Variants in CNTNAP2 observed in about 807,000 individuals in gnomAD.
CNTNAP2 encodes the protein contactin-associated protein-like 2.
Under a neutral mutation model 155.2 loss-of-function variants are expected in CNTNAP2, and 98 were observed. The ratio of observed to expected loss-of-function variants is 0.63; its 90% CI spans 0.54 to 0.75. The LOEUF (loss-of-function observed/expected upper bound fraction) is 0.75, where lower values mean the gene tolerates loss of function less well. CNTNAP2 is among the 30% of genes least tolerant of loss of function. The probability of loss-of-function intolerance (pLI) is 0.00; values close to 1 mark genes in which losing one functional copy is unlikely to be tolerated. For synonymous variants in CNTNAP2, 651 were observed against 631.2 expected, an observed-to-expected ratio of 1.03 and a Z score of -0.47; for missense variants, 1,727 against 1,688.1, an observed-to-expected ratio of 1.02 and a Z score of -0.40.
At chr7:147,359,816 C>T (rs1195574238) in intron 9 of CNTNAP2, among the ~76,000 whole-genome samples, 1 of 152,042 alleles carries the variant, frequency 6.6e-6, no homozygotes, top group Non-Finnish European at 1.5e-5. Flanking sequence ...AGCCTGCCAC[C>T]CACCTCTCTA....
chr7:147,992,000 ATAGTTCTGT>A (rs1801717907), intron 15 of CNTNAP2, among the ~76,000 whole-genome samples: 1 of 150,406 alleles, frequency 6.6e-6, no homozygotes, highest in African/African-American at 2.4e-5. Context: ...AAGTTTGCTG[ATAGTTCTGT>A]TATAGCAGTC....
chr7:148,364,574 A>G (rs566744674), intron 21 of CNTNAP2, among the ~76,000 whole-genome samples: 15 of 152,292 alleles, frequency 9.8e-5, no homozygotes, highest in Admixed American at 7.8e-4. Flanking sequence ...GAATGCACCA[A>G]TCGACACTCT....
chr7:148,028,129 T>C (rs1802406120), intron 15 of CNTNAP2, among the ~76,000 whole-genome samples: 1 of 152,184 alleles, frequency 6.6e-6, no homozygotes. Context: ...TTTACACCTT[T>C]AAAAATGTAA....
chr7:147,941,883 A>G (rs1800728855), intron 14 of CNTNAP2, among the ~76,000 whole-genome samples: 1 of 152,220 alleles, frequency 6.6e-6, no homozygotes, highest in Non-Finnish European at 1.5e-5. Context: ...ATTATTGCAC[A>G]TATTTACAGT....
chr7:147,844,626 A>T (rs1455227343), intron 13 of CNTNAP2, among the ~76,000 whole-genome samples: 17 of 37,372 alleles, frequency 4.5e-4, no homozygotes, highest in African/African-American at 1.9e-3. Context: ...AACTTCCAAC[A>T]CTATGTTGAA....
intron 13 of CNTNAP2, among the ~76,000 whole-genome samples, chr7:147,659,984 C>G (rs541035255): frequency 7.9e-5 from 12 of 152,262 alleles, no homozygotes; most frequent in African/African-American, 2.9e-4. Flanking sequence ...AAAAGCCCAC[C>G]TGGATGTCCT....
intron 1 of CNTNAP2, among the ~76,000 whole-genome samples, chr7:146,619,795 A>T (rs347224): frequency 0.037 from 5,699 of 152,174 alleles, 366 homozygotes; most frequent in African/African-American, 0.13. Flanking sequence ...TTTATTCTAG[A>T]TTTGTTCAGT....
intron 21 of CNTNAP2, among the ~76,000 whole-genome samples, chr7:148,289,844 A>G (rs1041573583): frequency 3.3e-5 from 5 of 152,246 alleles, no homozygotes; most frequent in Non-Finnish European, 4.4e-5. Context: ...CCCTCTGCAC[A>G]CACATGATGT....
chr7:147,749,228 T>C lies in CNTNAP2; in HGVS notation c.2098+109922T>C, dbSNP rs373791114. The stretch of plus-strand genomic sequence containing the variant: ...ATGAATCAGAATTATTCAGTATCTA[T>C]ACTGTATTTTTGTTTAAAATATTGA... On this transcript the variant is annotated intron_variant, in intron 13 of 23. Transcript: ENST00000361727. Among the ~76,000 whole-genome samples, 13 of 152,342 alleles carry C rather than the reference T, an allele frequency of 8.5e-5. No homozygotes were observed. The South Asian group carries it at 2.5e-3, about 29-fold the overall frequency.
intron 11 of CNTNAP2, among the ~76,000 whole-genome samples, chr7:147,493,208 G>C (rs553383578): frequency 6.6e-6 from 1 of 152,130 alleles, no homozygotes; most frequent in Non-Finnish European, 1.5e-5. Flanking sequence ...TTCAATAAAT[G>C]CTCTTTGAAA....
intron 3 of CNTNAP2, among the ~76,000 whole-genome samples, chr7:146,997,974 T>C (rs1563037710): frequency 6.6e-6 from 1 of 152,194 alleles, no homozygotes; most frequent in African/African-American, 2.4e-5. Flanking sequence ...ACTTCATTTA[T>C]CAATTCAAAA....
In CNTNAP2 at chr7:146,854,039, C is replaced by T. The variant is rs78624037; in HGVS notation, c.402+14135C>T. On this transcript the variant is annotated intron_variant, in intron 3 of 23. Coordinates refer to ENST00000361727, the MANE Select transcript of CNTNAP2 (RefSeq NM_014141.6). ...AGGATTTCTATAGGAGAGAAAACAA[C>T]AGAGTTTGCAGCAACAGGGAGATGA... is the stretch of plus-strand genomic sequence containing the variant. Among the ~76,000 whole-genome samples, 1,257 of 152,208 alleles carry T rather than the reference C, an allele frequency of 8.3e-3. 12 individuals are homozygous for T. The highest frequency in any genetic ancestry group is 0.029 in the African/African-American group (1,197 of 41,548).
intron 13 of CNTNAP2, among the ~76,000 whole-genome samples, chr7:147,820,353 AT>A (rs1190436378): frequency 6.6e-6 from 1 of 151,544 alleles, no homozygotes; most frequent in African/African-American, 2.4e-5. Flanking sequence ...TAATGTGTCT[AT>A]TTTTTCGTTG....
At chr7:147,669,388 T>C (rs967652440) in intron 13 of CNTNAP2, among the ~76,000 whole-genome samples, 21 of 152,232 alleles carry the variant, frequency 1.4e-4, no homozygotes, top group African/African-American at 4.1e-4. Flanking sequence ...CCTTGTAACA[T>C]ATCTTTGCAT....
rs192135616 is a variant in CNTNAP2 at position 146,709,073 on chromosome 7, T to C, written c.98-65198T>C. ...AAGTCAACCACAGTTAGAAACATCA[T>C]TTATCTGGGTAACATAATTGTGATT... is the stretch of plus-strand genomic sequence containing the variant. On this transcript the variant is annotated intron_variant, in intron 1 of 23. Transcript: ENST00000361727. Among the ~76,000 whole-genome samples the C allele has an allele frequency of 1.4e-3, 210 of 152,288 alleles. 1 individual carries two copies. Among genetic ancestry groups the C allele is most frequent in the Middle Eastern group, 3.4e-3 (1 of 294 alleles).
intron 11 of CNTNAP2, among the ~76,000 whole-genome samples, chr7:147,545,025 A>G (rs1799706253): frequency 6.6e-6 from 1 of 152,172 alleles, no homozygotes; most frequent in African/African-American, 2.4e-5. Flanking sequence ...ACACACACAC[A>G]CATACACGTA....
In CNTNAP2 at chr7:146,773,692, C is replaced by A. The variant is rs182734565; in HGVS notation, c.98-579C>A. On this transcript the variant is annotated intron_variant, in intron 1 of 23. Transcript: ENST00000361727. ...TACAGGCATGAGTCACCACTCCCAG[C>A]CTCTTTTTTCTATTCTAGTGAGAAC... 5.2e-3 allele frequency among the ~76,000 whole-genome samples: 799 copies of A among 152,346 alleles called. 7 individuals are homozygous for A. The highest frequency in any genetic ancestry group is 9.0e-3 in the Non-Finnish European group (611 of 68,032).
At chr7:147,035,739 G>T (rs1355284454) in intron 3 of CNTNAP2, among the ~76,000 whole-genome samples, 1 of 151,936 alleles carries the variant, frequency 6.6e-6, no homozygotes, top group African/African-American at 2.4e-5. Flanking sequence ...TCATTCATTC[G>T]CTATAGGAGC....
intron 2 of CNTNAP2, chr7:146,782,271 C>T (rs759586162): frequency 2.0e-5 from 3 of 152,134 alleles, no homozygotes; most frequent in Non-Finnish European, 4.4e-5. Context: ...GACGATTTGC[C>T]TTATAAAAGC....
Sources: gnomAD v4.1 joint callset for allele counts (sites outside exome capture counted in the v4.1 genomes callset) on GRCh38, gnomAD v4.1.1 for gene constraint, MANE v1.5 for transcripts, NCBI Gene and HGNC (gene_info 2026-07-23, HGNC 2026-07-21) for gene names.